Variants in ARID4A observed in about 807,000 individuals in gnomAD.
The protein encoded by ARID4A is AT-rich interaction domain 4A, also known as AT-rich interactive domain-containing protein 4A.
In ARID4A, 39 loss-of-function variants were observed where a neutral mutation model predicts 148.6. The ratio of observed to expected loss-of-function variants is 0.26; its 90% CI spans 0.20 to 0.34. ARID4A has a LOEUF of 0.34. ARID4A is among the 10% of genes least tolerant of loss of function. The pLI is 1.00. For synonymous variants in ARID4A, 475 were observed against 481.2 expected (o/e 0.99, Z 0.17); for missense variants, 1,265 against 1,449.1 (o/e 0.87, Z 2.06).
intron 7 of ARID4A, among the ~76,000 whole-genome samples, chr14:58,320,915 T>G (rs915365258): frequency 2.6e-5 from 4 of 152,166 alleles, no homozygotes; most frequent in Non-Finnish European, 4.4e-5. Flanking sequence ...CCGATGACAT[T>G]GACGTTTTTG....
intron 19 of ARID4A, among the ~76,000 whole-genome samples, chr14:58,361,699 T>C (rs1311532230): frequency 6.6e-6 from 1 of 152,152 alleles, no homozygotes; most frequent in Non-Finnish European, 1.5e-5. Flanking sequence ...CGATGCTGTG[T>C]TTTCATTAAA....
intron 4 of ARID4A, among the ~76,000 whole-genome samples, chr14:58,305,815 T>C (rs2031555962): frequency 6.6e-6 from 1 of 152,216 alleles, no homozygotes; most frequent in African/African-American, 2.4e-5. Context: ...GGGGTAATAA[T>C]AGCTACCTAA....
chr14:58,358,529 G>T (rs2034992329), intron 17 of ARID4A, among the ~76,000 whole-genome samples: 1 of 151,926 alleles, frequency 6.6e-6, no homozygotes, highest in Admixed American at 6.6e-5. Context: ...ATGTTTAGGG[G>T]AAATGAGTTT....
chr14:58,319,087 T>C (rs778851569), intron 7 of ARID4A, among the ~76,000 whole-genome samples: 3 of 152,214 alleles, frequency 2.0e-5, no homozygotes, highest in Non-Finnish European at 4.4e-5. Flanking sequence ...TGAGACGGAG[T>C]CTCGCTCTGT....
rs372341045 is a variant in ARID4A, at chr14:58,347,762, G to A, written c.1288G>A (p.Glu430Lys). ...EKKDLEESME[E>K]ALKLDQEMPL... ...AAAAGACTTAGAAGAATCAATGGAA[G>A]AGGCTCTCAAATTAGATCAAGAAAT... Residue 430 changes from glutamate (E) to lysine (K), a missense_variant, in exon 15 of 24, where the codon GAG becomes AAG. Physicochemically the swap from Glu to Lys is moderately conservative, Grantham distance 56 (BLOSUM62 1). Transcript: ENST00000355431. 6.2e-7 allele frequency: 1 copy of A among 1,613,568 alleles called. No homozygotes were observed. Among genetic ancestry groups the A allele is most frequent in the Non-Finnish European group, 8.5e-7 (1 of 1,179,686 alleles).
chr14:58,311,255 T>C (rs184137117), intron 5 of ARID4A, among the ~76,000 whole-genome samples: 1 of 151,722 alleles, frequency 6.6e-6, no homozygotes, highest in East Asian at 1.9e-4. Context: ...TAAAAAAAAA[T>C]AAATGAAAAT....
chr14:58,333,881 T>G (rs2140201054), intron 11 of ARID4A, among the ~76,000 whole-genome samples: 1 of 152,298 alleles, frequency 6.6e-6, no homozygotes, highest in East Asian at 1.9e-4. Context: ...AATGTTAATA[T>G]TTTAAGTATA....
chr14:58,349,490 CAAAA>C (rs111454525), intron 15 of ARID4A, among the ~76,000 whole-genome samples: 1 of 139,750 alleles, frequency 7.2e-6, no homozygotes, highest in Non-Finnish European at 1.6e-5. Flanking sequence ...ACTAAAAATA[CAAAA>C]AAAAAAAAAA....
intron 5 of ARID4A, among the ~76,000 whole-genome samples, chr14:58,316,559 A>G (rs1377201968): frequency 6.6e-6 from 1 of 152,128 alleles, no homozygotes; most frequent in Non-Finnish European, 1.5e-5. Context: ...AAATGTTTAA[A>G]TATAGTCAAG....
intron 3 of ARID4A, among the ~76,000 whole-genome samples, chr14:58,303,262 TATC>T (rs1456213759): frequency 1.3e-5 from 2 of 152,226 alleles, no homozygotes; most frequent in Non-Finnish European, 2.9e-5. Flanking sequence ...TTTGCATATC[TATC>T]ATCTCAAACA....
chr14:58,347,732 GA>G lies in ARID4A; in HGVS notation c.1266del (p.Asp423ThrfsTer2), dbSNP rs776520069. On this transcript the variant is annotated frameshift_variant, in exon 15 of 24. Transcript: ENST00000355431. LOFTEE classifies it high-confidence loss of function. ...TCACCATGAACCAAAAGTAAAAGAGGAAAAAAAAGACTTAGAAGAATCAATG... is the reference window on the plus strand; with the variant it reads ...TCACCATGAACCAAAAGTAAAAGAGGAAAAAAAGACTTAGAAGAATCAATG... ...VHHHEPKVKE[E>X]KKDLEESMEE... The G allele has an allele frequency of 1.9e-6, 3 of 1,612,784 alleles. No homozygotes were observed. The highest frequency in any genetic ancestry group is 2.5e-6 in the Non-Finnish European group (3 of 1,179,448).
At chr14:58,356,766 A>T (rs2034885613) in intron 17 of ARID4A, among the ~76,000 whole-genome samples, 1 of 142,146 alleles carries the variant, frequency 7.0e-6, no homozygotes, top group Non-Finnish European at 1.5e-5. Flanking sequence ...CAGTGGTGCG[A>T]TCTGGGCTCA....
At chr14:58,351,344 T>C (rs1193976685) in intron 16 of ARID4A, 21 bp downstream of exon 16, 2 of 1,580,392 alleles carry the variant, frequency 1.3e-6, no homozygotes, top group East Asian at 4.5e-5. Flanking sequence ...TTATGTTTGT[T>C]CTCCAGAAGC....
At chr14:58,363,014 A>G (rs1050101197) in intron 19 of ARID4A, among the ~76,000 whole-genome samples, 1 of 152,202 alleles carries the variant, frequency 6.6e-6, no homozygotes, top group African/African-American at 2.4e-5. Flanking sequence ...CTGCTGACAA[A>G]TGTTTAAGAT....
chr14:58,324,962 T>TA (rs927793543), intron 8 of ARID4A, among the ~76,000 whole-genome samples: 7 of 151,950 alleles, frequency 4.6e-5, no homozygotes, highest in South Asian at 4.2e-4. Context: ...TATAGTAAAT[T>TA]AAAAAAAACA....
chr14:58,311,087 A>G (rs1320433497), intron 5 of ARID4A, among the ~76,000 whole-genome samples: 1 of 152,082 alleles, frequency 6.6e-6, no homozygotes, highest in Non-Finnish European at 1.5e-5. Context: ...CTCTACTAAA[A>G]ATACAAAAAT....
chr14:58,339,409 A>C (rs1036668383), intron 11 of ARID4A, among the ~76,000 whole-genome samples: 1 of 152,182 alleles, frequency 6.6e-6, no homozygotes, highest in East Asian at 1.9e-4. Context: ...CCTCACTTTA[A>C]AAATGTCAAT....
At chr14:58,365,681 C>A in intron 21 of ARID4A, 59 bp downstream of exon 21, 4 of 1,441,530 alleles carry the variant, frequency 2.8e-6, no homozygotes, top group Non-Finnish European at 3.8e-6. Flanking sequence ...AGTTTGTTGG[C>A]TTGTTTTAAA....
At chr14:58,343,830 CAA>C (rs879571657) in intron 11 of ARID4A, among the ~76,000 whole-genome samples, 3 of 131,506 alleles carry the variant, frequency 2.3e-5, no homozygotes, top group Middle Eastern at 4.0e-3. Flanking sequence ...AACTCCATCT[CAA>C]AAAAAAAAAA....
Sources: gnomAD v4.1 joint callset for allele counts (sites outside exome capture counted in the v4.1 genomes callset) on GRCh38, gnomAD v4.1.1 for gene constraint, MANE v1.5 for transcripts, NCBI Gene and HGNC (gene_info 2026-07-23, HGNC 2026-07-21) for gene names.